Variants in RASA3 observed in about 807,000 individuals in gnomAD.
RASA3 encodes RAS p21 protein activator 3, also known as ras GTPase-activating protein 3.
In RASA3, 73 loss-of-function variants were observed where a neutral mutation model predicts 110.0. The observed-to-expected ratio is 0.66, with a 90% CI of 0.55 to 0.81. The LOEUF (loss-of-function observed/expected upper bound fraction) is 0.81. Among genes scored for constraint, RASA3 ranks in the 30% least tolerant of loss-of-function variants. The probability of loss-of-function intolerance (pLI) is 0.00; values close to 1 mark genes in which losing one functional copy is unlikely to be tolerated. For missense variants in RASA3, 976 were observed against 1,113.2 expected, an observed-to-expected ratio of 0.88 and a Z score of 1.75; for synonymous variants, 500 against 451.4, an observed-to-expected ratio of 1.11 and a Z score of -1.37.
intron 2 of RASA3, among the ~76,000 whole-genome samples, chr13:114,053,539 A>G (rs1288255576): frequency 8.5e-5 from 13 of 152,252 alleles, no homozygotes; most frequent in Non-Finnish European, 2.9e-5. Flanking sequence ...ATAGAAAGCA[A>G]AGGAAGGTCA....
intron 1 of RASA3, among the ~76,000 whole-genome samples, chr13:114,118,295 G>T (rs964790478): frequency 6.6e-6 from 1 of 152,060 alleles, no homozygotes; most frequent in Non-Finnish European, 1.5e-5. Flanking sequence ...GCCCACCCCC[G>T]CCTGTGTGAC....
chr13:114,106,557 G>T (rs1329725325), intron 1 of RASA3, among the ~76,000 whole-genome samples: 1 of 152,146 alleles, frequency 6.6e-6, no homozygotes, highest in South Asian at 2.1e-4. Context: ...GTAATTCGGA[G>T]CTTTGTAAAT....
intron 1 of RASA3, among the ~76,000 whole-genome samples, chr13:114,131,193 G>C (rs1594490081): frequency 6.6e-6 from 1 of 152,222 alleles, no homozygotes; most frequent in Non-Finnish European, 1.5e-5. Flanking sequence ...TGGTTTAGGG[G>C]AGCTGGAATG....
intron 23 of RASA3, among the ~76,000 whole-genome samples, chr13:113,980,029 T>A (rs2052876330): frequency 7.4e-6 from 1 of 134,354 alleles, no homozygotes. Context: ...CGTGTGCACC[T>A]GTGTGTGCAC....
chr13:114,013,577 TCTCTCTCTCTCTCTCTCCGTCTCTGG>T (rs1218550703), intron 14 of RASA3, among the ~76,000 whole-genome samples: 26 of 79,262 alleles, frequency 3.3e-4, no homozygotes, highest in Non-Finnish European at 4.4e-4. Context: ...CCTATCTCTG[TCTCTCTCTCTCTCTCTCCGTCTCTGG>T]CTCTCTCCCC....
At chr13:114,097,097 C>T (rs1434484626) in intron 1 of RASA3, among the ~76,000 whole-genome samples, 2 of 152,196 alleles carry the variant, frequency 1.3e-5, no homozygotes, top group Admixed American at 6.5e-5. Context: ...CCACCAGGCA[C>T]AGCAGCTATA....
rs1311517509 is a variant in RASA3 at position 114,131,639 on chromosome 13, G to C, written c.55+796C>G. 2.6e-5 allele frequency among the ~76,000 whole-genome samples: 4 copies of C among 152,346 alleles called. No individual in the cohort carries two copies. In the South Asian group the frequency reaches 8.3e-4, roughly 32 times the overall value. ...TCGCCCGCCACTTCTCAGTGGAAAG[G>C]GACGTGGTGCCGATGGGTCCGGGGT... On this transcript the variant is annotated intron_variant, in intron 1 of 23. Coordinates refer to ENST00000334062, the MANE Select transcript of RASA3 (RefSeq NM_007368.4).
At position 114,115,589 on chromosome 13, in the gene RASA3, G is replaced by A. The variant is rs1403728383; in HGVS notation, c.55+16846C>T. 1.3e-5 allele frequency among the ~76,000 whole-genome samples: 2 copies of A among 152,160 alleles called. No homozygotes were observed. Among genetic ancestry groups the A allele is most frequent in the Non-Finnish European group, 2.9e-5 (2 of 68,028 alleles). On this transcript the variant is annotated intron_variant, in intron 1 of 23. Transcript: ENST00000334062. The surrounding 1 kb of genome is among the most constrained non-coding windows in gnomAD (Gnocchi z 5.0). ...CCTCGAAGCAGCTGGTCATGTCCAC[G>A]CCCTCTGCAGGCCTCGTGTCCCCCT... is the stretch of plus-strand genomic sequence containing the variant.
At chr13:114,030,580 C>T (rs2054143706) in intron 4 of RASA3, among the ~76,000 whole-genome samples, 1 of 152,070 alleles carries the variant, frequency 6.6e-6, no homozygotes, top group Non-Finnish European at 1.5e-5. Context: ...GGGCTTCTAG[C>T]AGAGCAGACA....
At chr13:114,066,487 G>A (rs1473769093) in intron 2 of RASA3, among the ~76,000 whole-genome samples, 1 of 152,188 alleles carries the variant, frequency 6.6e-6, no homozygotes. Context: ...CCTCGGTGCG[G>A]CCCCCTCGTG....
chr13:113,992,704 A>T, intron 21 of RASA3, 116 bp from the exon 22 acceptor site: 1 of 842,212 alleles, frequency 1.2e-6, no homozygotes, highest in Non-Finnish European at 1.9e-6. Flanking sequence ...GTTGGAAGTG[A>T]AATTCGACAG....
At chr13:114,004,590 CCA>C in intron 18 of RASA3, among the ~76,000 whole-genome samples, 1 of 152,306 alleles carries the variant, frequency 6.6e-6, no homozygotes, top group Non-Finnish European at 1.5e-5. Context: ...CCGCCTGAAC[CCA>C]GCTCACGCCG....
At chr13:114,031,823 C>A (rs1469990778) in intron 4 of RASA3, among the ~76,000 whole-genome samples, 1 of 152,190 alleles carries the variant, frequency 6.6e-6, no homozygotes, top group African/African-American at 2.4e-5. Context: ...CAGGGCTTGT[C>A]CCTGCCTGTG....
At chr13:114,117,242 G>C (rs1379903150) in intron 1 of RASA3, among the ~76,000 whole-genome samples, 1 of 98,440 alleles carries the variant, frequency 1.0e-5, no homozygotes, top group Non-Finnish European at 2.4e-5. Context: ...TGTGTGTGAG[G>C]GGTGCACGTG....
chr13:114,116,762 TGA>T (rs2080280564), intron 1 of RASA3, among the ~76,000 whole-genome samples: 2 of 148,224 alleles, frequency 1.3e-5, no homozygotes, highest in African/African-American at 2.6e-5. Flanking sequence ...TGCACGTGTG[TGA>T]GGGGTGCACG....
chr13:114,061,514 C>CAA (rs11297076), intron 2 of RASA3, among the ~76,000 whole-genome samples: 2 of 137,402 alleles, frequency 1.5e-5, no homozygotes, highest in African/African-American at 5.2e-5. Context: ...ACTAAAAATA[C>CAA]AAAAAAAAAA....
At position 114,034,979 on chromosome 13, in the gene RASA3, T is replaced by C. The variant is rs142127715; in HGVS notation, c.373-5092A>G. Among the ~76,000 whole-genome samples the C allele has an allele frequency of 4.9e-3, 729 of 148,268 alleles. 2 individuals carry two copies. The highest frequency in any genetic ancestry group is 0.014 in the African/African-American group (564 of 39,428). On this transcript the variant is annotated intron_variant, in intron 4 of 23. Coordinates refer to ENST00000334062, the MANE Select transcript of RASA3 (RefSeq NM_007368.4). Reference sequence around the variant, plus strand: ...GGAGATCTGAACGCTGACCTGAGCTTAGAGCAGAAGGGAGAGCTGAACGCT... The same window carrying C: ...GGAGATCTGAACGCTGACCTGAGCTCAGAGCAGAAGGGAGAGCTGAACGCT...
intron 4 of RASA3, among the ~76,000 whole-genome samples, chr13:114,038,570 A>G (rs1338426925): frequency 3.3e-5 from 5 of 151,934 alleles, no homozygotes; most frequent in Non-Finnish European, 7.4e-5. Context: ...GCCTCACCCC[A>G]CCCCCACAGC....
chr13:114,035,425 G>C (rs1300912413), intron 4 of RASA3, among the ~76,000 whole-genome samples: 1 of 152,232 alleles, frequency 6.6e-6, no homozygotes, highest in African/African-American at 2.4e-5. Flanking sequence ...GTCACCCATG[G>C]GGCCCTGGGC....
Sources: allele counts gnomAD v4.1 joint callset (sites outside exome capture counted in the v4.1 genomes callset), GRCh38; gene constraint gnomAD v4.1.1; non-coding constraint Gnocchi (gnomAD v3.1); transcripts MANE v1.5; gene names NCBI Gene and HGNC (gene_info 2026-07-23, HGNC 2026-07-21).